ZFYVE27: variants seen among roughly 807,000 people sequenced by gnomAD.
The protein encoded by ZFYVE27 is zinc finger FYVE-type containing 27, also known as protrudin.
A neutral mutation model predicts 52.8 loss-of-function variants in ZFYVE27; 36 were observed. The observed-to-expected ratio is 0.68, with a 90% CI of 0.52 to 0.90. ZFYVE27 has a LOEUF of 0.90. ZFYVE27 is among the 40% of genes least tolerant of loss of function. The probability of loss-of-function intolerance (pLI) is 0.00; values close to 1 mark genes in which losing one functional copy is unlikely to be tolerated. For synonymous variants in ZFYVE27, 223 were observed against 215.6 expected, an observed-to-expected ratio of 1.03 and a Z score of -0.30; for missense variants, 450 against 527.2, an observed-to-expected ratio of 0.85 and a Z score of 1.43.
rs531915797 is a variant in ZFYVE27 at position 97,751,810 on chromosome 10, C to T, written c.876+348C>T. On this transcript the variant is annotated intron_variant, in intron 8 of 12. Transcript: ENST00000684270. ...ACTGCCCTGGGTCTCCGCTCTTCTG[C>T]AGAGTGAGTTCCGTAAGATGTCCCT... 3.3e-5 allele frequency among the ~76,000 whole-genome samples: 5 copies of T among 152,296 alleles called. No homozygotes were observed. The South Asian group carries it at 1.0e-3, about 32-fold the overall frequency.
chr10:97,754,218 C>A (rs1470297037), intron 10 of ZFYVE27, among the ~76,000 whole-genome samples: 2 of 152,166 alleles, frequency 1.3e-5, no homozygotes, highest in Non-Finnish European at 2.9e-5. Context: ...CTTCCTACCC[C>A]TGCAGCAGCC....
Position 97,744,732 on chromosome 10 carries a change from C to CA in ZFYVE27, c.273dup (p.Trp92MetfsTer28). On this transcript the variant is annotated frameshift_variant, in exon 4 of 13. Coordinates refer to ENST00000684270, the MANE Select transcript of ZFYVE27 (RefSeq NM_001385875.1). LOFTEE classifies it high-confidence loss of function. The stretch of plus-strand genomic sequence containing the variant: ...TGCAGTGTTTTTGATTCTGCAGGTG[C>CA]ATGGTACTCAGTAGGTGCCCTGATG... The CA allele has an allele frequency of 6.2e-7, 1 of 1,613,584 alleles. No homozygotes were observed. Among genetic ancestry groups the CA allele is most frequent in the African/African-American group, 1.3e-5 (1 of 75,054 alleles).
intron 2 of ZFYVE27, among the ~76,000 whole-genome samples, chr10:97,739,235 A>T (rs12241946): frequency 0.016 from 2,263 of 138,926 alleles, 44 homozygotes; most frequent in African/African-American, 0.056. Flanking sequence ...CTGGCTAATT[A>T]AAAAAAAAAA....
chr10:97,741,641 A>G (rs948155453), intron 2 of ZFYVE27, among the ~76,000 whole-genome samples: 1 of 152,170 alleles, frequency 6.6e-6, no homozygotes, highest in African/African-American at 2.4e-5. Context: ...GAAGAATAGC[A>G]TTAGGAGAAA....
Position 97,738,493 on chromosome 10 carries a change from C to A in ZFYVE27, c.16C>A (p.Arg6Ser), listed in dbSNP as rs1328502529. The change falls in exon 2 of 13, where the codon CGT becomes AGT. Residue 6 changes from arginine to serine, a missense_variant. Physicochemically the swap from Arg to Ser is moderately radical, Grantham distance 110. Transcript: ENST00000684270. Reference sequence around the variant, plus strand: ...TGGTTACAGGATGCAGACATCAGAACGTGAGGGGAGTGGGCCGGAGCTGAG... The same window carrying A: ...TGGTTACAGGATGCAGACATCAGAAAGTGAGGGGAGTGGGCCGGAGCTGAG... MQTSE[R>S]EGSGPELSPS... 3.1e-6 allele frequency: 5 copies of A among 1,613,996 alleles called. No individual in the cohort carries two copies. The highest frequency in any genetic ancestry group is 1.3e-5 in the African/African-American group (1 of 74,916).
At chr10:97,757,557 A>G (rs2048690757) in intron 11 of ZFYVE27, 85 bp from the exon 12 acceptor site, 1 of 1,469,954 alleles carries the variant, frequency 6.8e-7, no homozygotes, top group Non-Finnish European at 9.5e-7. Flanking sequence ...CTTGGGTGGG[A>G]TCAGCTGGTG....
chr10:97,752,301 G>A (rs1215539458), intron 8 of ZFYVE27, among the ~76,000 whole-genome samples: 2 of 152,208 alleles, frequency 1.3e-5, no homozygotes, highest in African/African-American at 2.4e-5. Flanking sequence ...ATTTCCACCA[G>A]GCCTGTGATT....
At chr10:97,737,861 T>TA (rs553267989) in intron 1 of ZFYVE27, among the ~76,000 whole-genome samples, 138 of 152,288 alleles carry the variant, frequency 9.1e-4, no homozygotes, top group African/African-American at 3.2e-3. Context: ...TGGGAAGAGT[T>TA]AGAGGATCGG....
chr10:97,759,336 T>G lies in ZFYVE27; in HGVS notation c.*36T>G. The G allele has an allele frequency of 6.2e-7, 1 of 1,612,782 alleles. No homozygotes were observed. The highest frequency in any genetic ancestry group is 8.5e-7 in the Non-Finnish European group (1 of 1,178,838). On this transcript the variant is annotated 3_prime_UTR_variant, in exon 13 of 13. Coordinates refer to ENST00000684270, the MANE Select transcript of ZFYVE27 (RefSeq NM_001385875.1). The stretch of plus-strand genomic sequence containing the variant: ...CAGGGTCCAACCAGGCACCCGTCCT[T>G]GGGACCAGCAGTAGACCCCCCACTC...
chr10:97,756,542 C>A (rs2048377009), intron 10 of ZFYVE27, among the ~76,000 whole-genome samples: 1 of 152,200 alleles, frequency 6.6e-6, no homozygotes, highest in Non-Finnish European at 1.5e-5. Flanking sequence ...ACCTCATTCT[C>A]TGTCTCTCCT....
chr10:97,737,608 T>G (rs2042445753), intron 1 of ZFYVE27, among the ~76,000 whole-genome samples: 1 of 152,256 alleles, frequency 6.6e-6, no homozygotes, highest in Admixed American at 6.5e-5. Context: ...TTGGCCCCTT[T>G]GTCCCATCCC....
intron 4 of ZFYVE27, among the ~76,000 whole-genome samples, chr10:97,745,431 G>T (rs570628263): frequency 1.3e-5 from 2 of 150,394 alleles, no homozygotes; most frequent in Non-Finnish European, 2.9e-5. Flanking sequence ...CGCCCGCCTC[G>T]GCCTCCCAAA....
chr10:97,757,909 G>T lies in ZFYVE27; in HGVS notation c.1171+186G>T, dbSNP rs141282606. Reference sequence around the variant, plus strand: ...TTGGTACATGCCGAAGAATAGATATGATGTACCTGTGAATTGTGAAGGGTA... The same window carrying T: ...TTGGTACATGCCGAAGAATAGATATTATGTACCTGTGAATTGTGAAGGGTA... On this transcript the variant is annotated intron_variant, in intron 12 of 12. Coordinates refer to ENST00000684270, the MANE Select transcript of ZFYVE27 (RefSeq NM_001385875.1). 6 of 596,444 alleles carry T rather than the reference G, an allele frequency of 1.0e-5. No homozygotes were observed. The East Asian group carries it at 1.7e-4, about 17-fold the overall frequency. 36.9% of individuals were successfully genotyped at this position (596,444 alleles called of 1,614,324 possible).
chr10:97,759,570 C>T lies in ZFYVE27; in HGVS notation c.*270C>T, dbSNP rs924860200. The T allele has an allele frequency of 2.3e-5, 12 of 531,062 alleles. No individual in the cohort carries two copies. The highest frequency in any genetic ancestry group is 1.0e-4 in the South Asian group (5 of 49,790). The allele number at this position is 531,062 out of a possible 1,614,324, so 32.9% of individuals were successfully genotyped here. ...TTGTCCTGCTCTGCCTGGGACTGAGCGAGTGGACTTAGGGCTGGGCAGGCA... is the reference window on the plus strand; with the variant it reads ...TTGTCCTGCTCTGCCTGGGACTGAGTGAGTGGACTTAGGGCTGGGCAGGCA... On this transcript the variant is annotated 3_prime_UTR_variant, in exon 13 of 13. Coordinates refer to ENST00000684270, the MANE Select transcript of ZFYVE27 (RefSeq NM_001385875.1).
At chr10:97,757,598 A>T in intron 11 of ZFYVE27, 44 bp from the exon 12 acceptor site, 1 of 1,598,030 alleles carries the variant, frequency 6.3e-7, no homozygotes, top group Non-Finnish European at 8.6e-7. Context: ...AACTCCAGGT[A>T]CCTGAGGGTG....
chr10:97,757,764 GC>G, intron 12 of ZFYVE27, 41 bp downstream of exon 12: 2 of 1,594,936 alleles, frequency 1.3e-6, no homozygotes, highest in Non-Finnish European at 8.6e-7. Context: ...TTGGTATCCC[GC>G]CCAGGGGATG....
chr10:97,740,170 C>T (rs574112078), intron 2 of ZFYVE27, among the ~76,000 whole-genome samples: 1 of 152,336 alleles, frequency 6.6e-6, no homozygotes, highest in African/African-American at 2.4e-5. Context: ...AGTGGAGTTA[C>T]GTTAACCTCT....
rs1350855447 is a variant in ZFYVE27 at position 97,760,106 on chromosome 10, C to G, written c.*806C>G. 6.5e-6 allele frequency: 1 copy of G among 153,080 alleles called. No homozygotes were observed. The highest frequency in any genetic ancestry group is 1.9e-4 in the East Asian group (1 of 5,196). The allele number at this position is 153,080 out of a possible 1,614,324, so 9.5% of individuals were successfully genotyped here. A position where few individuals can be genotyped will look rare whatever the true frequency, so the allele number is the denominator to read the frequency against. ...GGCACTTGGATCACAACTTCTGCAC[C>G]CTCTGTCCAGAGTCTAGGGCAGTCC... On this transcript the variant is annotated 3_prime_UTR_variant, in exon 13 of 13. Coordinates refer to ENST00000684270, the MANE Select transcript of ZFYVE27 (RefSeq NM_001385875.1).
intron 7 of ZFYVE27, among the ~76,000 whole-genome samples, chr10:97,751,107 G>C (rs1182622889): frequency 6.6e-6 from 1 of 152,176 alleles, no homozygotes; most frequent in African/African-American, 2.4e-5. Context: ...AGAGTGGCTG[G>C]TAAGTGGCAG....
Sources: gnomAD v4.1 joint callset for allele counts (sites outside exome capture counted in the v4.1 genomes callset) on GRCh38, gnomAD v4.1.1 for gene constraint, MANE v1.5 for transcripts, NCBI Gene and HGNC (gene_info 2026-07-23, HGNC 2026-07-21) for gene names.